Variants in CTNNA3 observed in about 807,000 individuals in gnomAD.
CTNNA3 encodes the protein catenin alpha-3.
Under a neutral mutation model 95.7 loss-of-function variants are expected in CTNNA3, and 76 were observed. That is an observed-to-expected ratio of 0.79 (90% CI 0.66 to 0.96). The LOEUF (loss-of-function observed/expected upper bound fraction) is 0.96. Among genes scored for constraint, CTNNA3 ranks in the 40% least tolerant of loss-of-function variants. The pLI is 0.00. For missense variants in CTNNA3, 1,191 were observed against 1,089.8 expected (o/e 1.09, Z -1.31); for synonymous variants, 431 against 374.4 (o/e 1.15, Z -1.74).
chr10:66,043,472 T>G (rs534024246), intron 15 of CTNNA3, among the ~76,000 whole-genome samples: 22 of 152,300 alleles, frequency 1.4e-4, no homozygotes, highest in African/African-American at 4.6e-4. Flanking sequence ...GCAATTGCAA[T>G]TCAGTATCTG....
At chr10:67,345,840 T>TA (rs1353038373) in intron 5 of CTNNA3, among the ~76,000 whole-genome samples, 4 of 152,080 alleles carry the variant, frequency 2.6e-5, no homozygotes, top group Non-Finnish European at 5.9e-5. Context: ...TTATTATTGT[T>TA]AAAAAAGGAC....
At chr10:67,558,513 A>T (rs1415478390) in intron 3 of CTNNA3, among the ~76,000 whole-genome samples, 1 of 152,242 alleles carries the variant, frequency 6.6e-6, no homozygotes, top group Admixed American at 6.5e-5. Context: ...GGCAGCCAAG[A>T]TGGCCGAATA....
rs140497719 is a variant in CTNNA3, at chr10:65,995,064, AT to A, written c.2160-6268del. ...ATTATGTTCTTAATTGTCTTTTCTG[AT>A]TTTTTTTTGTATTCTTTATCTGTGT... On this transcript the variant is annotated intron_variant, in intron 15 of 17. Coordinates refer to ENST00000433211, the MANE Select transcript of CTNNA3 (RefSeq NM_013266.4). Among the ~76,000 whole-genome samples the A allele has an allele frequency of 3.2e-3, 482 of 149,576 alleles. 2 individuals carry two copies. The highest frequency in any genetic ancestry group is 9.7e-3 in the African/African-American group (394 of 40,818).
chr10:67,460,666 T>C (rs1847342158), intron 5 of CTNNA3, among the ~76,000 whole-genome samples: 1 of 152,172 alleles, frequency 6.6e-6, no homozygotes, highest in Non-Finnish European at 1.5e-5. Flanking sequence ...TGCTGCCAAG[T>C]GTCCTGAGAC....
intron 7 of CTNNA3, among the ~76,000 whole-genome samples, chr10:66,906,816 G>A (rs1164482444): frequency 6.6e-6 from 1 of 151,988 alleles, no homozygotes; most frequent in Non-Finnish European, 1.5e-5. Flanking sequence ...TGATGTTTGA[G>A]ATTTGCTTCA....
intron 5 of CTNNA3, among the ~76,000 whole-genome samples, chr10:67,373,738 TTA>T (rs1332389568): frequency 2.0e-5 from 3 of 152,342 alleles, no homozygotes; most frequent in African/African-American, 7.2e-5. Context: ...GAATCTATAT[TTA>T]TGTTTTCTTA....
intron 7 of CTNNA3, among the ~76,000 whole-genome samples, chr10:67,063,564 G>A (rs1266900176): frequency 6.6e-6 from 1 of 152,186 alleles, no homozygotes; most frequent in Non-Finnish European, 1.5e-5. Flanking sequence ...GATATGAAGT[G>A]GCTCCAATGA....
At chr10:65,949,220 T>C (rs1239544958) in intron 17 of CTNNA3, among the ~76,000 whole-genome samples, 2 of 152,206 alleles carry the variant, frequency 1.3e-5, no homozygotes, top group African/African-American at 2.4e-5. Context: ...TAGCATGGAA[T>C]GACACAAAGA....
intron 7 of CTNNA3, among the ~76,000 whole-genome samples, chr10:66,861,665 G>A (rs569147021): frequency 1.3e-5 from 2 of 152,260 alleles, no homozygotes; most frequent in African/African-American, 4.8e-5. Flanking sequence ...TGGCACAAAA[G>A]TGCTTACTGA....
intron 5 of CTNNA3, among the ~76,000 whole-genome samples, chr10:67,408,694 A>C (rs1845240649): frequency 6.6e-6 from 1 of 152,170 alleles, no homozygotes; most frequent in South Asian, 2.1e-4. Context: ...TTCATGATGA[A>C]GATGCCAAAA....
intron 7 of CTNNA3, among the ~76,000 whole-genome samples, chr10:66,970,959 G>A (rs1029055025): frequency 6.6e-6 from 1 of 152,098 alleles, no homozygotes; most frequent in Non-Finnish European, 1.5e-5. Context: ...TATTAATTGT[G>A]CCAGGATTTC....
At chr10:65,964,613 T>C (rs1028658879) in intron 17 of CTNNA3, among the ~76,000 whole-genome samples, 47 of 152,166 alleles carry the variant, frequency 3.1e-4, no homozygotes, top group African/African-American at 1.1e-3. Flanking sequence ...GCTGAACTTC[T>C]ACCACAGATT....
At chr10:67,022,687 C>T (rs1853101922) in intron 7 of CTNNA3, among the ~76,000 whole-genome samples, 1 of 152,096 alleles carries the variant, frequency 6.6e-6, no homozygotes, top group Non-Finnish European at 1.5e-5. Context: ...CCTTTAATCC[C>T]AGCATTTTGG....
At chr10:67,456,151 T>C (rs1847166057) in intron 5 of CTNNA3, among the ~76,000 whole-genome samples, 1 of 152,124 alleles carries the variant, frequency 6.6e-6, no homozygotes, top group South Asian at 2.1e-4. Context: ...GAGAATTAGA[T>C]CCTAAACTAA....
chr10:66,459,701 T>C (rs2093515979), intron 11 of CTNNA3, among the ~76,000 whole-genome samples: 1 of 152,162 alleles, frequency 6.6e-6, no homozygotes, highest in African/African-American at 2.4e-5. Flanking sequence ...AAAACCTGCA[T>C]AGCATGTTGC....
At chr10:67,726,270 A>T (rs1412223576) in intron 1 of CTNNA3, among the ~76,000 whole-genome samples, 7 of 87,076 alleles carry the variant, frequency 8.0e-5, no homozygotes, top group Non-Finnish European at 1.3e-4. Flanking sequence ...ATTACATATT[A>T]TATATATTAT....
chr10:66,777,031 G>T (rs1234176081), intron 7 of CTNNA3, among the ~76,000 whole-genome samples: 1 of 152,166 alleles, frequency 6.6e-6, no homozygotes, highest in African/African-American at 2.4e-5. Context: ...CTCTGGAGGA[G>T]ATTTTAGCAT....
intron 7 of CTNNA3, among the ~76,000 whole-genome samples, chr10:66,798,508 C>T (rs1055308465): frequency 3.6e-4 from 55 of 151,508 alleles, no homozygotes; most frequent in African/African-American, 1.3e-3. Flanking sequence ...GAGTTTATTG[C>T]CAATGCCACT....
intron 1 of CTNNA3, among the ~76,000 whole-genome samples, chr10:67,676,739 T>C (rs1840541746): frequency 6.6e-6 from 1 of 152,156 alleles, no homozygotes. Flanking sequence ...TTGCTGTGGA[T>C]CCAGTGAGAG....
Sources: allele counts gnomAD v4.1 joint callset (sites outside exome capture counted in the v4.1 genomes callset), GRCh38; gene constraint gnomAD v4.1.1; transcripts MANE v1.5; gene names NCBI Gene and HGNC (gene_info 2026-07-23, HGNC 2026-07-21).